Variants in DNAJC1 observed in about 807,000 individuals in gnomAD.
The protein encoded by DNAJC1 is dnaJ homolog subfamily C member 1.
A neutral mutation model predicts 76.6 loss-of-function variants in DNAJC1; 58 were observed. The ratio of observed to expected loss-of-function variants is 0.76; its 90% confidence interval spans 0.61 to 0.94. DNAJC1 has a LOEUF of 0.94. Among genes scored for constraint, DNAJC1 ranks in the 40% least tolerant of loss-of-function variants. The pLI, the probability that DNAJC1 is intolerant of heterozygous loss-of-function variation, is 0.00. For synonymous variants in DNAJC1, 258 were observed against 267.9 expected (o/e 0.96, Z 0.36); for missense variants, 689 against 677.3 (o/e 1.02, Z -0.19).
Position 21,756,585 on chromosome 10 carries a change from C to CA in DNAJC1, c.*101dup. 1 of 770,604 alleles carries CA rather than the reference C, an allele frequency of 1.3e-6. No homozygotes were observed. The highest frequency in any genetic ancestry group is 2.3e-6 in the Non-Finnish European group (1 of 443,994). The allele number at this position is 770,604 out of a possible 1,614,324, so 47.7% of individuals were successfully genotyped here. On this transcript the variant is annotated 3_prime_UTR_variant, in exon 12 of 12. Transcript: ENST00000376980. ...TATTTATTATTTTTTTTTACTAAGG[C>CA]ACATGACGTAGAAATATTGAGGTAC...
At chr10:21,924,556 T>G (rs1837090017) in intron 3 of DNAJC1, among the ~76,000 whole-genome samples, 1 of 152,146 alleles carries the variant, frequency 6.6e-6, no homozygotes, top group Non-Finnish European at 1.5e-5. Context: ...TTACCTCAAC[T>G]AACATTCAGG....
At chr10:21,863,336 T>C (rs1006872765) in intron 8 of DNAJC1, among the ~76,000 whole-genome samples, 7 of 152,072 alleles carry the variant, frequency 4.6e-5, no homozygotes, top group Non-Finnish European at 1.0e-4. Flanking sequence ...ATAAATTCTA[T>C]AGAAGTTAAA....
intron 10 of DNAJC1, among the ~76,000 whole-genome samples, chr10:21,761,888 C>T (rs1323511069): frequency 6.6e-6 from 1 of 152,164 alleles, no homozygotes; most frequent in Non-Finnish European, 1.5e-5. Flanking sequence ...ATCAATAAAA[C>T]ATCTTTGAAA....
chr10:21,919,920 G>C lies in DNAJC1; in HGVS notation c.547C>G (p.Leu183Val), dbSNP rs770596985. ...IYLEKQLDELLSRKKREKKKK... is the reference protein window; with the variant it reads ...IYLEKQLDELVSRKKREKKKK... ...TTCTTTTCTCTCTTTTTTCTACTTAGTAGTTCATCCTTAATGTGGAAAGAA... is the reference window on the plus strand; with the variant it reads ...TTCTTTTCTCTCTTTTTTCTACTTACTAGTTCATCCTTAATGTGGAAAGAA... Residue 183 changes from leucine to valine, a missense_variant, in exon 5 of 12, where the codon CTA (leucine) becomes GTA (valine). By Grantham distance (32) the Leu-to-Val change is conservative. Coordinates refer to ENST00000376980, the MANE Select transcript of DNAJC1 (RefSeq NM_022365.4). The C allele has an allele frequency of 1.3e-6, 2 of 1,597,222 alleles. No homozygotes were observed. Among genetic ancestry groups the C allele is most frequent in the Non-Finnish European group, 1.7e-6 (2 of 1,172,374 alleles).
chr10:21,870,953 G>GAAGGACCA (rs1836092886), intron 8 of DNAJC1, among the ~76,000 whole-genome samples: 1 of 150,924 alleles, frequency 6.6e-6, no homozygotes, highest in Non-Finnish European at 1.5e-5. Context: ...ACCAGTACTA[G>GAAGGACCA]AAGGAACAGA....
At chr10:21,825,874 T>C (rs145265483) in intron 8 of DNAJC1, among the ~76,000 whole-genome samples, 3 of 152,290 alleles carry the variant, frequency 2.0e-5, no homozygotes, top group East Asian at 3.9e-4. Flanking sequence ...AACTGAGTTA[T>C]GTTGTTGTTA....
chr10:21,949,469 T>C (rs1203369421), intron 1 of DNAJC1, among the ~76,000 whole-genome samples: 4 of 143,574 alleles, frequency 2.8e-5, no homozygotes, highest in Non-Finnish European at 6.0e-5. Context: ...CAGGCTAGAG[T>C]GCAGTGGTGT....
At chr10:21,935,805 G>T (rs572647892) in intron 1 of DNAJC1, among the ~76,000 whole-genome samples, 1 of 151,802 alleles carries the variant, frequency 6.6e-6, no homozygotes, top group Non-Finnish European at 1.5e-5. Flanking sequence ...AGGCTAGATG[G>T]TAGTAAATTA....
At chr10:21,967,926 G>A (rs935731418) in intron 1 of DNAJC1, among the ~76,000 whole-genome samples, 3 of 152,216 alleles carry the variant, frequency 2.0e-5, no homozygotes, top group Non-Finnish European at 4.4e-5. Flanking sequence ...AGGAAAGTTA[G>A]TACATGTTGT....
Position 21,759,593 on chromosome 10 carries a change from T to C in DNAJC1, c.1173A>G (p.Lys391=). The C allele has an allele frequency of 1.9e-6, 3 of 1,613,920 alleles. No homozygotes were observed. Among genetic ancestry groups the C allele is most frequent in the South Asian group, 1.1e-5 (1 of 91,078 alleles). The part of the protein sequence containing the change: ...SPGMVRLSEL[K]STVQNSRPIK... ...TGGGCCTGGAATTCTGAACTGTCGA[T>C]TTGAGTTCGGAGAGTCTAACCATTC... is the stretch of plus-strand genomic sequence containing the variant. Residue 391 remains lysine, a synonymous_variant, in exon 11 of 12, where the codon AAA becomes AAG. Coordinates refer to ENST00000376980, the MANE Select transcript of DNAJC1 (RefSeq NM_022365.4).
At chr10:21,771,836 T>C (rs540622675) in intron 9 of DNAJC1, among the ~76,000 whole-genome samples, 1 of 152,354 alleles carries the variant, frequency 6.6e-6, no homozygotes, top group Admixed American at 6.5e-5. Flanking sequence ...ATACTGCTTT[T>C]TATTCTATTG....
At position 21,918,375 on chromosome 10, in the gene DNAJC1, GT is replaced by G. The variant is rs11440840; in HGVS notation, c.729+403del. ...ACAATTATACAGATGTTCATGTAAA[GT>G]TTTTTTTTTTTTTTTTTAACACTAT... is the stretch of plus-strand genomic sequence containing the variant. On this transcript the variant is annotated intron_variant, in intron 6 of 11. Transcript: ENST00000376980. Among the ~76,000 whole-genome samples, 711 of 138,962 alleles carry G rather than the reference GT, an allele frequency of 5.1e-3. 5 individuals are homozygous for G. The highest frequency in any genetic ancestry group is 0.015 in the African/African-American group (572 of 38,048). 91.2% of individuals were successfully genotyped at this position (138,962 alleles called of 152,430 possible).
intron 8 of DNAJC1, among the ~76,000 whole-genome samples, chr10:21,878,015 CGTT>C (rs1836216189): frequency 1.3e-5 from 2 of 152,190 alleles, no homozygotes; most frequent in South Asian, 2.1e-4. Flanking sequence ...CCTAAGTTCA[CGTT>C]GTTGTCTGTC....
rs977083957 is a variant in DNAJC1 at position 21,983,704 on chromosome 10, G to C, written c.222+19509C>G. Reference sequence around the variant, plus strand: ...CCACTACATTCCAGCCGGGGCAACAGAGCGAGATTCTGTCTCAAAAAAAAA... The same window carrying C: ...CCACTACATTCCAGCCGGGGCAACACAGCGAGATTCTGTCTCAAAAAAAAA... On this transcript the variant is annotated intron_variant, in intron 1 of 11. Transcript: ENST00000376980. Among the ~76,000 whole-genome samples the C allele has an allele frequency of 4.4e-5, 6 of 136,338 alleles. No individual in the cohort carries two copies. The East Asian group carries it at 1.3e-3, about 30-fold the overall frequency. The allele number at this position is 136,338 out of a possible 152,430, so 89.4% of individuals were successfully genotyped here.
chr10:21,887,355 C>A (rs1836382780), intron 7 of DNAJC1, among the ~76,000 whole-genome samples: 1 of 152,092 alleles, frequency 6.6e-6, no homozygotes, highest in African/African-American at 2.4e-5. Context: ...ATCAAATTAA[C>A]AACGACATTC....
chr10:21,825,132 C>T (rs1835226699), intron 8 of DNAJC1, among the ~76,000 whole-genome samples: 2 of 152,166 alleles, frequency 1.3e-5, no homozygotes, highest in African/African-American at 4.8e-5. Context: ...TAAGTACATT[C>T]ATATTGTTGT....
At chr10:21,963,122 T>C (rs1209400984) in intron 1 of DNAJC1, among the ~76,000 whole-genome samples, 1 of 152,186 alleles carries the variant, frequency 6.6e-6, no homozygotes, top group Admixed American at 6.5e-5. Flanking sequence ...AAGAGAATAA[T>C]ATCATATAGC....
chr10:21,851,684 T>C (rs1045563055), intron 8 of DNAJC1, among the ~76,000 whole-genome samples: 10 of 152,158 alleles, frequency 6.6e-5, no homozygotes, highest in African/African-American at 2.4e-4. Flanking sequence ...CATACACACA[T>C]TTGTAGCACC....
chr10:21,920,735 A>C, intron 4 of DNAJC1, 63 bp downstream of exon 4: 1 of 1,466,782 alleles, frequency 6.8e-7, no homozygotes, highest in South Asian at 1.4e-5. Flanking sequence ...TTGAAAAATA[A>C]ATGTCCAAAA....
Sources: gnomAD v4.1 joint callset for allele counts (sites outside exome capture counted in the v4.1 genomes callset) on GRCh38, gnomAD v4.1.1 for gene constraint, MANE v1.5 for transcripts, NCBI Gene and HGNC (gene_info 2026-07-23, HGNC 2026-07-21) for gene names.